EYS: variants seen among roughly 807,000 people sequenced by gnomAD.
EYS encodes EGF-like photoreceptor maintenance factor.
A neutral mutation model predicts 282.1 loss-of-function variants in EYS; 250 were observed. The ratio of observed to expected loss-of-function variants is 0.89; its 90% CI spans 0.80 to 0.98. EYS has a LOEUF of 0.98. EYS is among the 50% of genes least tolerant of loss of function. The probability of loss-of-function intolerance (pLI) is 0.00; values close to 1 mark genes in which losing one functional copy is unlikely to be tolerated. For missense variants in EYS, 4,016 were observed against 3,709.0 expected, an observed-to-expected ratio of 1.08 and a Z score of -2.15; for synonymous variants, 1,355 against 1,282.9, an observed-to-expected ratio of 1.06 and a Z score of -1.20.
chr6:63,871,435 CA>C (rs1562070212), intron 35 of EYS, among the ~76,000 whole-genome samples: 1 of 151,974 alleles, frequency 6.6e-6, no homozygotes, highest in African/African-American at 2.4e-5. Context: ...CTGAGGTGGG[CA>C]GATCACTTGA....
At chr6:64,930,461 TAAAAAAAA>T (rs55650031) in intron 15 of EYS, among the ~76,000 whole-genome samples, 1 of 123,032 alleles carries the variant, frequency 8.1e-6, no homozygotes, top group Non-Finnish European at 1.7e-5. Context: ...ATAAATAAGG[TAAAAAAAA>T]AAAAAAAAAA....
intron 31 of EYS, among the ~76,000 whole-genome samples, chr6:64,120,639 C>T (rs768516493): frequency 4.6e-5 from 7 of 152,148 alleles, no homozygotes; most frequent in East Asian, 1.9e-4. Flanking sequence ...ATCTAGAAAT[C>T]GACTGGGAGT....
intron 19 of EYS, among the ~76,000 whole-genome samples, chr6:64,834,686 G>T (rs964000299): frequency 2.0e-5 from 3 of 151,790 alleles, no homozygotes; most frequent in Non-Finnish European, 2.9e-5. Flanking sequence ...TTCATAGTTT[G>T]ATAAAAGAGT....
At chr6:63,829,783 C>T (rs1272166175) in intron 36 of EYS, among the ~76,000 whole-genome samples, 2 of 152,196 alleles carry the variant, frequency 1.3e-5, no homozygotes, top group African/African-American at 4.8e-5. Flanking sequence ...GTCACTGACC[C>T]CTGAGTAGCC....
intron 35 of EYS, among the ~76,000 whole-genome samples, chr6:63,910,057 G>A (rs1489916921): frequency 6.6e-6 from 1 of 152,140 alleles, no homozygotes; most frequent in Non-Finnish European, 1.5e-5. Context: ...GGTGGACGAA[G>A]GAGGAAGAGG....
chr6:64,855,340 G>A (rs1766023617), intron 19 of EYS, among the ~76,000 whole-genome samples: 1 of 151,916 alleles, frequency 6.6e-6, no homozygotes, highest in South Asian at 2.1e-4. Context: ...ATTTATGATT[G>A]ACTGTTTTAT....
chr6:64,940,886 A>G (rs1038337524), intron 15 of EYS, among the ~76,000 whole-genome samples: 2 of 152,104 alleles, frequency 1.3e-5, no homozygotes, highest in Admixed American at 1.3e-4. Flanking sequence ...AACCTTAATC[A>G]CAAGGCAAAA....
intron 36 of EYS, among the ~76,000 whole-genome samples, chr6:63,853,449 G>A (rs1237486351): frequency 6.6e-6 from 1 of 152,104 alleles, no homozygotes; most frequent in Non-Finnish European, 1.5e-5. Context: ...CCACTTCAAG[G>A]AGAACTACAA....
chr6:64,890,950 C>CT (rs1283983413), intron 18 of EYS, among the ~76,000 whole-genome samples: 4 of 152,048 alleles, frequency 2.6e-5, no homozygotes, highest in Non-Finnish European at 5.9e-5. Context: ...TTCTACACTA[C>CT]TCCTGAAATC....
rs145146400 is a variant in EYS at position 63,746,312 on chromosome 6, C to T, written c.8071+16149G>A. Among the ~76,000 whole-genome samples the T allele has an allele frequency of 3.8e-3, 580 of 152,164 alleles. 5 individuals are homozygous for T. The highest frequency in any genetic ancestry group is 0.013 in the African/African-American group (551 of 41,510). On this transcript the variant is annotated intron_variant, in intron 41 of 42. Coordinates refer to ENST00000503581, the MANE Select transcript of EYS (RefSeq NM_001142800.2). ...GGTGGATAAGTTTTTGATGTGCTGC[C>T]GGATTTAGTTTGCCAGTATTTTATT...
intron 12 of EYS, among the ~76,000 whole-genome samples, chr6:65,093,290 A>T (rs895095431): frequency 6.6e-6 from 1 of 152,014 alleles, no homozygotes; most frequent in Non-Finnish European, 1.5e-5. Context: ...AAGAAATGCT[A>T]AAAGGAATTC....
chr6:64,248,071 G>A (rs1259703634), intron 30 of EYS, among the ~76,000 whole-genome samples: 2 of 152,142 alleles, frequency 1.3e-5, no homozygotes, highest in African/African-American at 2.4e-5. Flanking sequence ...AAAGAAGTCT[G>A]TGATGTTAGG....
At chr6:65,338,384 C>A (rs974927308) in intron 10 of EYS, among the ~76,000 whole-genome samples, 21 of 150,536 alleles carry the variant, frequency 1.4e-4, no homozygotes, top group Admixed American at 1.3e-3. Flanking sequence ...GATTTCTCAA[C>A]TTTGTGTATA....
chr6:64,503,446 T>A (rs1777115430), intron 26 of EYS, among the ~76,000 whole-genome samples: 1 of 152,228 alleles, frequency 6.6e-6, no homozygotes, highest in South Asian at 2.1e-4. Flanking sequence ...ATCTTGTTTT[T>A]AAGCTTTTTT....
At chr6:65,373,997 T>C (rs1290181263) in intron 8 of EYS, among the ~76,000 whole-genome samples, 1 of 152,170 alleles carries the variant, frequency 6.6e-6, no homozygotes, top group Non-Finnish European at 1.5e-5. Context: ...TATGCTTTTA[T>C]GTTCTGTGAT....
At chr6:65,672,124 A>ATTCT (rs1768410473) in intron 1 of EYS, among the ~76,000 whole-genome samples, 1 of 152,118 alleles carries the variant, frequency 6.6e-6, no homozygotes, top group African/African-American at 2.4e-5. Context: ...AGCAGACAGA[A>ATTCT]GCTGATTCAA....
At chr6:65,117,844 A>C (rs761042256) in intron 12 of EYS, among the ~76,000 whole-genome samples, 3 of 152,216 alleles carry the variant, frequency 2.0e-5, no homozygotes, top group Non-Finnish European at 2.9e-5. Context: ...AGATAGAGCT[A>C]TGACTAGCAA....
chr6:64,306,727 T>C (rs952504933), intron 30 of EYS, among the ~76,000 whole-genome samples: 3 of 152,174 alleles, frequency 2.0e-5, no homozygotes, highest in Non-Finnish European at 4.4e-5. Context: ...TCATTATTTG[T>C]TGGATGGTAT....
intron 2 of EYS, among the ~76,000 whole-genome samples, chr6:65,575,326 C>CTAAATAAATAAATAAATAAATAAA (rs71002320): frequency 2.3e-4 from 33 of 142,026 alleles, no homozygotes; most frequent in South Asian, 4.7e-4. Flanking sequence ...GACTTCCTCT[C>CTAAATAAATAAATAAATAAATAAA]TAAATAAATA....
Sources: gnomAD v4.1 joint callset for allele counts (sites outside exome capture counted in the v4.1 genomes callset) on GRCh38, gnomAD v4.1.1 for gene constraint, MANE v1.5 for transcripts, NCBI Gene and HGNC (gene_info 2026-07-23, HGNC 2026-07-21) for gene names.